ASIC2: variants seen among roughly 807,000 people sequenced by gnomAD.
ASIC2 encodes acid sensing ion channel subunit 2.
ASIC2 carries 25 observed loss-of-function variants against 57.3 expected under a neutral mutation model. That is an observed-to-expected ratio of 0.44 (90% CI 0.32 to 0.61). ASIC2 has a LOEUF of 0.61. Among genes scored for constraint, ASIC2 ranks in the 20% least tolerant of loss-of-function variants. ASIC2 has a pLI of 0.06. For synonymous variants in ASIC2, 319 were observed against 307.5 expected, an observed-to-expected ratio of 1.04 and a Z score of -0.39; for missense variants, 641 against 738.1, an observed-to-expected ratio of 0.87 and a Z score of 1.52.
At chr17:33,597,573 A>T (rs1905019579) in intron 1 of ASIC2, among the ~76,000 whole-genome samples, 1 of 152,202 alleles carries the variant, frequency 6.6e-6, no homozygotes, top group Non-Finnish European at 1.5e-5. Flanking sequence ...AGTTTACAAA[A>T]CAGAAAGTTC....
chr17:33,579,180 A>G (rs930013865), intron 1 of ASIC2, among the ~76,000 whole-genome samples: 1 of 151,080 alleles, frequency 6.6e-6, no homozygotes, highest in Non-Finnish European at 1.5e-5. Flanking sequence ...CAGCTACTTG[A>G]GAGGCTGAGG....
intron 9 of ASIC2, among the ~76,000 whole-genome samples, chr17:33,014,459 G>A (rs1409744443): frequency 6.6e-6 from 1 of 151,966 alleles, no homozygotes; most frequent in Non-Finnish European, 1.5e-5. Context: ...CTAAGCCTGG[G>A]GCAGGGAGGA....
At chr17:33,154,689 G>A (rs1904929824) in intron 1 of ASIC2, among the ~76,000 whole-genome samples, 2 of 152,174 alleles carry the variant, frequency 1.3e-5, no homozygotes, top group Admixed American at 6.5e-5. Context: ...AAACACAGCT[G>A]TAGGTAACTA....
At chr17:33,038,687 G>T (rs187397965) in intron 3 of ASIC2, among the ~76,000 whole-genome samples, 3 of 152,196 alleles carry the variant, frequency 2.0e-5, no homozygotes, top group African/African-American at 7.2e-5. Context: ...ATACCCTGGT[G>T]CATGTCTTTC....
intron 1 of ASIC2, among the ~76,000 whole-genome samples, chr17:33,183,087 G>A (rs1906051267): frequency 6.6e-6 from 1 of 152,154 alleles, no homozygotes; most frequent in African/African-American, 2.4e-5. Context: ...TGAAACTGAT[G>A]TGTTCAAGGC....
chr17:33,409,277 A>G lies in ASIC2; in HGVS notation c.556-297210T>C, dbSNP rs1005639865. 3.3e-5 allele frequency among the ~76,000 whole-genome samples: 5 copies of G among 152,156 alleles called. No homozygotes were observed. In the South Asian group the frequency reaches 6.2e-4, roughly 19 times the overall value. On this transcript the variant is annotated intron_variant, in intron 1 of 9. Transcript: ENST00000359872. ...TTTCCTCCAGAGGTCATCAACTCCA[A>G]TATTCAAGGCATGAGTTCCCAAAGT... is the stretch of plus-strand genomic sequence containing the variant.
intron 1 of ASIC2, chr17:34,038,573 G>A: frequency 1.2e-6 from 2 of 1,608,726 alleles, no homozygotes; most frequent in Non-Finnish European, 1.7e-6. Flanking sequence ...ATTTAGCGTT[G>A]GATGATATTT....
chr17:33,543,725 C>T (rs1434238711), intron 1 of ASIC2, among the ~76,000 whole-genome samples: 1 of 152,146 alleles, frequency 6.6e-6, no homozygotes, highest in Non-Finnish European at 1.5e-5. Context: ...ATTACACAAG[C>T]CTTGTTATTC....
At chr17:33,780,480 A>C (rs1911417174) in intron 1 of ASIC2, among the ~76,000 whole-genome samples, 1 of 152,244 alleles carries the variant, frequency 6.6e-6, no homozygotes, top group Admixed American at 6.5e-5. Context: ...AACAGTGCAA[A>C]GCACACACTA....
chr17:33,765,833 C>T (rs1480086741), intron 1 of ASIC2, among the ~76,000 whole-genome samples: 1 of 152,206 alleles, frequency 6.6e-6, no homozygotes, highest in African/African-American at 2.4e-5. Flanking sequence ...TTCGTGAGGT[C>T]TTTGGCGTCC....
chr17:34,087,988 T>A (rs1185999770), intron 1 of ASIC2, among the ~76,000 whole-genome samples: 3 of 152,368 alleles, frequency 2.0e-5, no homozygotes, highest in Non-Finnish European at 4.4e-5. Context: ...GGTTTGAATT[T>A]CCTCCTGTAG....
intron 1 of ASIC2, among the ~76,000 whole-genome samples, chr17:33,433,526 C>T (rs1597726652): frequency 1.3e-5 from 2 of 152,152 alleles, no homozygotes; most frequent in African/African-American, 2.4e-5. Context: ...GAGGCCAAGG[C>T]GGGTGGATCT....
chr17:33,616,700 G>A (rs1905615426), intron 1 of ASIC2, among the ~76,000 whole-genome samples: 1 of 152,234 alleles, frequency 6.6e-6, no homozygotes, highest in Non-Finnish European at 1.5e-5. Context: ...TAGAAGCCTG[G>A]AAACTGCATT....
intron 1 of ASIC2, among the ~76,000 whole-genome samples, chr17:34,067,162 C>A (rs1909202713): frequency 6.6e-6 from 1 of 152,216 alleles, no homozygotes; most frequent in Admixed American, 6.5e-5. Flanking sequence ...ACACCTATTA[C>A]ACAGTGGAAA....
At chr17:33,214,210 A>G (rs116805549) in intron 1 of ASIC2, among the ~76,000 whole-genome samples, 1 of 152,094 alleles carries the variant, frequency 6.6e-6, no homozygotes, top group South Asian at 2.1e-4. Flanking sequence ...CCAGCAATAA[A>G]TTAGAATGTC....
At chr17:33,207,732 G>C (rs1907118334) in intron 1 of ASIC2, among the ~76,000 whole-genome samples, 1 of 152,178 alleles carries the variant, frequency 6.6e-6, no homozygotes. Context: ...CAAGAGCCAA[G>C]AGCACTTGTT....
intron 1 of ASIC2, chr17:33,980,833 C>T (rs1330260939): frequency 6.6e-6 from 1 of 152,196 alleles, no homozygotes; most frequent in Non-Finnish European, 1.5e-5. Context: ...AGGCTCATTC[C>T]ATTTCACATT....
rs141612678 is a variant in ASIC2, at chr17:33,286,520, T to A, written c.708+4888A>T. Among the ~76,000 whole-genome samples the A allele has an allele frequency of 3.0e-3, 451 of 152,268 alleles. 3 individuals are homozygous for A. Among genetic ancestry groups the A allele is most frequent in the African/African-American group, 0.01 (423 of 41,554 alleles). On this transcript the variant is annotated intron_variant, in intron 1 of 9. Coordinates refer to ENST00000225823, the MANE Select transcript of ASIC2 (RefSeq NM_183377.2). The stretch of plus-strand genomic sequence containing the variant: ...TCAGCCCAGCTCCCATCTCAGCACA[T>A]CCAGTCCCTCCCTCCAGCCACCCTG...
intron 1 of ASIC2, among the ~76,000 whole-genome samples, chr17:33,406,279 A>G (rs371693290): frequency 2.0e-5 from 3 of 152,354 alleles, no homozygotes; most frequent in African/African-American, 7.2e-5. Context: ...ATCAGCCCAC[A>G]GACTTGATAT....
Sources: allele counts gnomAD v4.1 joint callset (sites outside exome capture counted in the v4.1 genomes callset), GRCh38; gene constraint gnomAD v4.1.1; transcripts MANE v1.5; gene names NCBI Gene and HGNC (gene_info 2026-07-23, HGNC 2026-07-21).